The following AADACL4 variants were observed in gnomAD, a reference collection of about 807,000 sequenced individuals.
AADACL4 encodes the protein arylacetamide deacetylase-like 4.
AADACL4 carries 9 observed loss-of-function variants against 14.1 expected under a neutral mutation model. The observed-to-expected ratio is 0.64, with a 90% confidence interval of 0.39 to 1.12. The LOEUF is 1.12. Among genes scored for constraint, AADACL4 ranks in the 50% most tolerant of loss-of-function variants. AADACL4 has a pLI of 0.01. For missense variants in AADACL4, 531 were observed against 516.1 expected (o/e 1.03, Z -0.28); for synonymous variants, 188 against 201.6 (o/e 0.93, Z 0.57).
rs140616597 is a variant in AADACL4 at position 12,651,224 on chromosome 1, C to T, written c.270C>T (p.Thr90=). The T allele has an allele frequency of 2.0e-5, 33 of 1,614,186 alleles. No homozygotes were observed. In the African/African-American group the frequency reaches 2.4e-4, roughly 12 times the overall value. ...RIKKDPELVV[T]DLRFGTIPVR... is the part of the protein sequence containing the mutation. ...AAAAGGACCCTGAACTTGTGGTGAC[C>T]GACCTGCGTTTTGGGACGATACCCG... The change falls in exon 2 of 4, where the codon ACC becomes ACT. Residue 90 remains threonine (T), a synonymous_variant. Coordinates refer to ENST00000376221, the MANE Select transcript of AADACL4 (RefSeq NM_001013630.2).
chr1:12,657,473 G>C (rs1647184234), intron 2 of AADACL4, among the ~76,000 whole-genome samples: 1 of 152,288 alleles, frequency 6.6e-6, no homozygotes, highest in Middle Eastern at 3.4e-3. Context: ...TTGGGACGTT[G>C]ACCCTCGCCA....
chr1:12,658,139 C>CCTTTCTTTCTTTCTTTCTTT (rs1191457132), intron 2 of AADACL4, among the ~76,000 whole-genome samples: 1 of 84,858 alleles, frequency 1.2e-5, no homozygotes, highest in Admixed American at 1.2e-4. Flanking sequence ...TTCCTTCCTT[C>CCTTTCTTTCTTTCTTTCTTT]CTTTCTTTCT....
Position 12,666,236 on chromosome 1 carries a change from C to T in AADACL4, c.725C>T (p.Pro242Leu), listed in dbSNP as rs1033872264. ...TCCTTTCAGCAGAACCAAAATGTCC[C>T]ATTACTTTCCCGGAAGTTCATGGTG... ...LPSFQQNQNV[P>L]LLSRKFMVTS... is the part of the protein sequence containing the mutation. The change falls in exon 4 of 4, where the codon CCA becomes CTA. Residue 242 changes from proline (P) to leucine (L), a missense_variant. Coordinates refer to ENST00000376221, the MANE Select transcript of AADACL4 (RefSeq NM_001013630.2). 1.2e-6 allele frequency: 2 copies of T among 1,614,144 alleles called. No individual in the cohort carries two copies. Among genetic ancestry groups the T allele is most frequent in the African/African-American group, 2.7e-5 (2 of 74,946 alleles).
intron 2 of AADACL4, among the ~76,000 whole-genome samples, chr1:12,654,798 T>G (rs1647170882): frequency 1.3e-5 from 2 of 152,234 alleles, no homozygotes; most frequent in Non-Finnish European, 2.9e-5. Context: ...ATAGCTTGTT[T>G]ACTCACGTGG....
chr1:12,653,269 T>C (rs1318043182), intron 2 of AADACL4, among the ~76,000 whole-genome samples: 3 of 152,230 alleles, frequency 2.0e-5, no homozygotes, highest in Non-Finnish European at 4.4e-5. Context: ...TGAAAGTAAT[T>C]GCAGTGTTTG....
chr1:12,648,886 G>A (rs547422823), intron 1 of AADACL4, among the ~76,000 whole-genome samples: 6 of 152,280 alleles, frequency 3.9e-5, no homozygotes, highest in East Asian at 3.9e-4. Context: ...ACGGTACAGC[G>A]TGATGTTAAA....
chr1:12,646,037 T>C (rs1472386467), intron 1 of AADACL4, among the ~76,000 whole-genome samples: 11 of 152,274 alleles, frequency 7.2e-5, no homozygotes, highest in African/African-American at 2.6e-4. Flanking sequence ...AGAGTTGCAG[T>C]GGATTTGGAA....
At position 12,653,312 on chromosome 1, in the gene AADACL4, G is replaced by A. The variant is rs564892409; in HGVS notation, c.385+1973G>A. Among the ~76,000 whole-genome samples, 7 of 152,006 alleles carry A rather than the reference G, an allele frequency of 4.6e-5. No individual in the cohort carries two copies. In the South Asian group the frequency reaches 1.5e-3, roughly 32 times the overall value. ...AGGCAAAAACCATTTGCGTCAAGAAGACATAAACTTTACAAAGAGATTAAA... is the reference window on the plus strand; with the variant it reads ...AGGCAAAAACCATTTGCGTCAAGAAAACATAAACTTTACAAAGAGATTAAA... On this transcript the variant is annotated intron_variant, in intron 2 of 3. Transcript: ENST00000376221.
At chr1:12,657,576 C>G (rs1647184716) in intron 2 of AADACL4, among the ~76,000 whole-genome samples, 1 of 152,144 alleles carries the variant, frequency 6.6e-6, no homozygotes, top group Non-Finnish European at 1.5e-5. Context: ...GGGAAAAGCA[C>G]ATAGTCAAGA....
At chr1:12,661,411 G>A (rs986481423) in intron 2 of AADACL4, among the ~76,000 whole-genome samples, 1 of 152,052 alleles carries the variant, frequency 6.6e-6, no homozygotes, top group African/African-American at 2.4e-5. Context: ...GAAACATCCC[G>A]TCCAACCCTT....
rs890666987 is a variant in AADACL4, at chr1:12,645,956, G to A, written c.168+1242G>A. Among the ~76,000 whole-genome samples, 2 of 152,170 alleles carry A rather than the reference G, an allele frequency of 1.3e-5. 1 individual carries two copies. The highest frequency in any genetic ancestry group is 4.1e-4 in the South Asian group (2 of 4,828). ...ATACATGAATTTACCCAGCATTTCT[G>A]AGTGGCCGTGCCAGCCAGGCTCTGA... is the stretch of plus-strand genomic sequence containing the variant. On this transcript the variant is annotated intron_variant, in intron 1 of 3. Coordinates refer to ENST00000376221, the MANE Select transcript of AADACL4 (RefSeq NM_001013630.2).
At chr1:12,659,533 A>C (rs1256690806) in intron 2 of AADACL4, among the ~76,000 whole-genome samples, 3 of 152,260 alleles carry the variant, frequency 2.0e-5, no homozygotes, top group African/African-American at 7.2e-5. Flanking sequence ...GTTTAAAAAA[A>C]CAAATATTAA....
Position 12,651,316 on chromosome 1 carries a change from G to A in AADACL4, c.362G>A (p.Gly121Glu), listed in dbSNP as rs773710906. The A allele has an allele frequency of 6.2e-7, 1 of 1,614,082 alleles. No individual in the cohort carries two copies. Among genetic ancestry groups the A allele is most frequent in the East Asian group, 2.2e-5 (1 of 44,898 alleles). Residue 121 changes from glycine (G) to glutamate (E), a missense_variant, in exon 2 of 4, where the codon GGG (glycine) becomes GAG (glutamate). Gly to Glu is a moderately conservative substitution (Grantham distance 98). Coordinates refer to ENST00000376221, the MANE Select transcript of AADACL4 (RefSeq NM_001013630.2). ...PRRGIIFYHG[G>E]ATVFGSLDCY... ...CGAGGCATCATCTTCTACCATGGAG[G>A]GGCCACAGTATTTGGGAGCCTGGGT...
intron 1 of AADACL4, among the ~76,000 whole-genome samples, chr1:12,649,368 G>A (rs1647131112): frequency 1.3e-5 from 2 of 152,196 alleles, no homozygotes; most frequent in African/African-American, 4.8e-5. Flanking sequence ...AGACAGCTGG[G>A]GAGATTAGTG....
intron 1 of AADACL4, among the ~76,000 whole-genome samples, chr1:12,646,233 C>T (rs1046273200): frequency 6.6e-6 from 1 of 152,234 alleles, no homozygotes; most frequent in Non-Finnish European, 1.5e-5. Flanking sequence ...AGCAGCCGGA[C>T]TGCCTGAGTG....
At position 12,667,004 on chromosome 1, in the gene AADACL4, A is replaced by G; in HGVS notation, c.*269A>G. ...TAGGTGAAATAAATATCAAAAGGAG[A>G]AAAAAATGCCTTTAAAAATTTCTCA... On this transcript the variant is annotated 3_prime_UTR_variant, in exon 4 of 4. Coordinates refer to ENST00000376221, the MANE Select transcript of AADACL4 (RefSeq NM_001013630.2). 2.1e-6 allele frequency: 1 copy of G among 465,576 alleles called. No homozygotes were observed. Among genetic ancestry groups the G allele is most frequent in the Non-Finnish European group, 3.7e-6 (1 of 267,392 alleles). The allele number at this position is 465,576 out of a possible 1,614,324, so 28.8% of individuals were successfully genotyped here.
chr1:12,663,514 C>T (rs1258634071), intron 3 of AADACL4, among the ~76,000 whole-genome samples: 1 of 152,082 alleles, frequency 6.6e-6, no homozygotes, highest in Non-Finnish European at 1.5e-5. Context: ...TTCCTAAGGC[C>T]CCACTTCCTA....
In AADACL4 at chr1:12,645,077, CCTT is replaced by C. The variant is rs1460200595; in HGVS notation, c.168+366_168+368del. Among the ~76,000 whole-genome samples, 13 of 147,522 alleles carry C rather than the reference CCTT, an allele frequency of 8.8e-5. 1 individual carries two copies. Among genetic ancestry groups the C allele is most frequent in the Admixed American group, 8.8e-4 (13 of 14,778 alleles). On this transcript the variant is annotated intron_variant, in intron 1 of 3. Coordinates refer to ENST00000376221, the MANE Select transcript of AADACL4 (RefSeq NM_001013630.2). ...CCCTCCCTCCCTTCCTTCCTTCCCT[CCTT>C]CTCCGCTCCTTTCCTTCCTTTTTCC...
chr1:12,644,736 G>A (rs1647099317), intron 1 of AADACL4, 22 bp downstream of exon 1: 2 of 1,610,538 alleles, frequency 1.2e-6, no homozygotes, highest in African/African-American at 2.7e-5. Context: ...CTCAGGCCAC[G>A]TCGTAACCTG....
Sources: allele counts gnomAD v4.1 joint callset (sites outside exome capture counted in the v4.1 genomes callset), GRCh38; gene constraint gnomAD v4.1.1; transcripts MANE v1.5; gene names NCBI Gene and HGNC (gene_info 2026-07-23, HGNC 2026-07-21).